LINGO2: variants seen among roughly 807,000 people sequenced by gnomAD.
LINGO2 encodes leucine rich repeat and Ig domain containing 2.
In LINGO2, 14 loss-of-function variants were observed where a neutral mutation model predicts 30.6. The ratio of observed to expected loss-of-function variants is 0.46; its 90% confidence interval spans 0.30 to 0.72. LINGO2 has a LOEUF of 0.72. Ranked by LOEUF, LINGO2 falls within the 30% of genes least tolerant of loss-of-function variation. The pLI, the probability that LINGO2 is intolerant of heterozygous loss-of-function variation, is 0.07. For synonymous variants in LINGO2, 317 were observed against 288.5 expected (o/e 1.10, Z -1.00); for missense variants, 729 against 751.7 (o/e 0.97, Z 0.35).
At chr9:28,318,479 T>C (rs2134287988) in intron 3 of LINGO2, among the ~76,000 whole-genome samples, 1 of 152,306 alleles carries the variant, frequency 6.6e-6, no homozygotes, top group Middle Eastern at 3.4e-3. Context: ...TTGGAGATTA[T>C]TTTTATCAAG....
Position 28,170,683 on chromosome 9 carries a change from G to T in LINGO2, c.-87+124525C>A, listed in dbSNP as rs79561146. On this transcript the variant is annotated intron_variant, in intron 4 of 5. Coordinates refer to ENST00000379992, the Ensembl canonical transcript of LINGO2. ...GCTGCATTCCTTCTTGAGGCCATAG[G>T]GGAGAATCCATTTCCTTGCTTTTTC... is the stretch of plus-strand genomic sequence containing the variant. 1.9e-4 allele frequency among the ~76,000 whole-genome samples: 29 copies of T among 152,272 alleles called. 1 individual carries two copies. The East Asian group carries it at 5.4e-3, about 28-fold the overall frequency.
chr9:28,314,494 T>C (rs1375554385), intron 3 of LINGO2, among the ~76,000 whole-genome samples: 4 of 152,172 alleles, frequency 2.6e-5, no homozygotes, highest in African/African-American at 9.7e-5. Flanking sequence ...TGAGTGTCTC[T>C]GTGTTCAAGG....
At chr9:27,999,677 T>C (rs1248711417) in intron 5 of LINGO2, among the ~76,000 whole-genome samples, 1 of 152,166 alleles carries the variant, frequency 6.6e-6, no homozygotes, top group African/African-American at 2.4e-5. Flanking sequence ...ATATTAGTGA[T>C]ATCCATTATC....
chr9:28,452,579 T>C (rs16913105), intron 2 of LINGO2, among the ~76,000 whole-genome samples: 3,705 of 151,936 alleles, frequency 0.024, 143 homozygotes, highest in African/African-American at 0.082. Flanking sequence ...AATACACTGT[T>C]AGCATTCTAC....
chr9:29,128,663 G>A, the LINGO2 span, among the ~76,000 whole-genome samples: 2 of 152,042 alleles, frequency 1.3e-5, no homozygotes, highest in Admixed American at 6.6e-5. Flanking sequence ...CCAAAATTTT[G>A]GTTCACAGCC....
At chr9:29,195,056 A>G in the LINGO2 span, among the ~76,000 whole-genome samples, 1 of 148,838 alleles carries the variant, frequency 6.7e-6, no homozygotes, top group African/African-American at 2.5e-5. Context: ...AACTTTGTCA[A>G]GCACTAATCT....
chr9:28,222,645 C>A (rs1417156408), intron 4 of LINGO2, among the ~76,000 whole-genome samples: 2 of 152,106 alleles, frequency 1.3e-5, no homozygotes, highest in Non-Finnish European at 2.9e-5. Flanking sequence ...GATAATTGAG[C>A]CTATTTGATT....
intron 1 of LINGO2, among the ~76,000 whole-genome samples, chr9:28,552,066 AT>A (rs1490460243): frequency 2.6e-5 from 4 of 152,018 alleles, no homozygotes; most frequent in Non-Finnish European, 5.9e-5. Flanking sequence ...GCTAACTGTC[AT>A]TTAATCCTTT....
At chr9:28,131,782 G>C (rs1827384896) in intron 4 of LINGO2, among the ~76,000 whole-genome samples, 1 of 151,984 alleles carries the variant, frequency 6.6e-6, no homozygotes, top group South Asian at 2.1e-4. Context: ...ACAAATCAAA[G>C]GTAACAAAAT....
At chr9:28,300,243 G>T (rs1165455246) in intron 3 of LINGO2, among the ~76,000 whole-genome samples, 2 of 151,742 alleles carry the variant, frequency 1.3e-5, no homozygotes, top group East Asian at 3.9e-4. Flanking sequence ...TGAACATTTT[G>T]TATGTGTAGC....
chr9:28,765,060 T>A, the LINGO2 span, among the ~76,000 whole-genome samples: 13 of 152,098 alleles, frequency 8.5e-5, no homozygotes, highest in African/African-American at 2.7e-4. Context: ...TGTTAAAATG[T>A]TCATACTACC....
At chr9:29,182,478 T>A in the LINGO2 span, among the ~76,000 whole-genome samples, 2 of 152,104 alleles carry the variant, frequency 1.3e-5, no homozygotes, top group South Asian at 4.1e-4. Context: ...GAAAAGGTAA[T>A]TACTACAGAT....
the LINGO2 span, among the ~76,000 whole-genome samples, chr9:29,183,484 G>T: frequency 6.6e-6 from 1 of 152,128 alleles, no homozygotes; most frequent in Non-Finnish European, 1.5e-5. Flanking sequence ...TAAGGGCAAG[G>T]TCAGGTGCCA....
chr9:27,986,914 C>A (rs770328245), intron 5 of LINGO2, among the ~76,000 whole-genome samples: 4 of 151,800 alleles, frequency 2.6e-5, no homozygotes, highest in Non-Finnish European at 4.4e-5. Flanking sequence ...AGAGGGCTGG[C>A]TCCCTGCACA....
the LINGO2 span, among the ~76,000 whole-genome samples, chr9:29,051,061 T>C: frequency 6.6e-6 from 1 of 152,174 alleles, no homozygotes; most frequent in Non-Finnish European, 1.5e-5. Context: ...CAGATATTTT[T>C]CTATATACTC....
In LINGO2 at chr9:27,983,206, T is replaced by C. The variant is rs561555515; in HGVS notation, c.-36+29149A>G. 2.6e-5 allele frequency among the ~76,000 whole-genome samples: 4 copies of C among 152,028 alleles called. No individual in the cohort carries two copies. The South Asian group carries it at 8.3e-4, about 31-fold the overall frequency. ...TCAAGTTATGTGAAATGCATGCATC[T>C]TAGAAGCTCTATGAATTTATATGCT... On this transcript the variant is annotated intron_variant, in intron 5 of 5. Coordinates refer to ENST00000379992, the Ensembl canonical transcript of LINGO2.
the LINGO2 span, among the ~76,000 whole-genome samples, chr9:29,134,134 T>G: frequency 6.6e-6 from 1 of 152,164 alleles, no homozygotes; most frequent in African/African-American, 2.4e-5. Context: ...CTAACAATTC[T>G]GGCTTACTTA....
At chr9:28,597,235 G>C (rs996418908) in intron 1 of LINGO2, among the ~76,000 whole-genome samples, 14 of 152,116 alleles carry the variant, frequency 9.2e-5, no homozygotes, top group African/African-American at 2.9e-4. Flanking sequence ...CAGCTTAATA[G>C]AGAAAAAGGC....
chr9:28,582,888 T>C (rs140111587), intron 1 of LINGO2, among the ~76,000 whole-genome samples: 1 of 152,062 alleles, frequency 6.6e-6, no homozygotes. Flanking sequence ...TACCGATGCT[T>C]TGACTTGAGA....
Sources: gnomAD v4.1 joint callset for allele counts (sites outside exome capture counted in the v4.1 genomes callset) on GRCh38, gnomAD v4.1.1 for gene constraint, MANE v1.5 for transcripts, NCBI Gene and HGNC (gene_info 2026-07-23, HGNC 2026-07-21) for gene names.